The following IGBP1 variants were observed in gnomAD, a reference collection of about 807,000 sequenced individuals.
IGBP1 encodes immunoglobulin binding protein 1.
IGBP1 carries 2 observed loss-of-function variants against 25.9 expected under a neutral mutation model. The observed-to-expected ratio is 0.08, with a 90% CI of 0.03 to 0.24. IGBP1 has a LOEUF of 0.24. IGBP1 is among the 10% of genes least tolerant of loss of function. The pLI is 1.00. For synonymous variants in IGBP1, 96 were observed against 93.4 expected, an observed-to-expected ratio of 1.03 and a Z score of -0.16; for missense variants, 187 against 260.4, an observed-to-expected ratio of 0.72 and a Z score of 1.94.
intron 3 of IGBP1, among the ~76,000 whole-genome samples, chrX:70,143,974 C>T (rs926536559): frequency 3.6e-5 from 4 of 112,081 alleles, no homozygotes; most frequent in Non-Finnish European, 5.6e-5. Context: ...GATCATCTGA[C>T]GTCAGGAGTT....
At position 70,162,727 on chromosome X, in the gene IGBP1, A is replaced by G. The variant is rs190148904; in HGVS notation, c.872-3106A>G. On this transcript the variant is annotated intron_variant, in intron 6 of 6. Transcript: ENST00000356413. Reference sequence around the variant, plus strand: ...GGTGGCTCACGCCTGTAATTCCAGCACTTTGGGAGGCTTAGGTGGGTGGAT... The same window carrying G: ...GGTGGCTCACGCCTGTAATTCCAGCGCTTTGGGAGGCTTAGGTGGGTGGAT... 4.5e-5 allele frequency among the ~76,000 whole-genome samples: 5 copies of G among 112,216 alleles called. No individual in the cohort carries two copies. The East Asian group carries it at 1.4e-3, about 31-fold the overall frequency.
intron 5 of IGBP1, chrX:70,149,524 G>A (rs982242009): frequency 7.1e-5 from 8 of 113,100 alleles, no homozygotes; most frequent in Non-Finnish European, 1.4e-4. Flanking sequence ...CGTATTGGCA[G>A]GCACCTGTAA....
Position 70,148,792 on chromosome X carries a change from G to A in IGBP1, c.710G>A (p.Arg237Lys), listed in dbSNP as rs1186000710. The change falls in exon 5 of 7, where the codon AGG becomes AAG. Residue 237 changes from arginine to lysine, a missense_variant. Arg to Lys is a conservative substitution (Grantham distance 26). Coordinates refer to ENST00000356413, the MANE Select transcript of IGBP1 (RefSeq NM_001551.3). ...ASTSNSSRQERPPVKPFILTR... is the reference protein window; with the variant it reads ...ASTSNSSRQEKPPVKPFILTR... The stretch of plus-strand genomic sequence containing the variant: ...ACTTCTAACTCATCTCGCCAGGAGA[G>A]GCCTCCAGTGAAACCCTTCATTCTC... The A allele has an allele frequency of 1.7e-6, 2 of 1,203,276 alleles. No individual in the cohort carries two copies. Among genetic ancestry groups the A allele is most frequent in the African/African-American group, 3.5e-5 (2 of 57,266 alleles).
chrX:70,138,411 G>A lies in IGBP1; in HGVS notation c.482+3595G>A, dbSNP rs1228635307. 4.0e-5 allele frequency among the ~76,000 whole-genome samples: 4 copies of A among 99,527 alleles called. No individual in the cohort carries two copies. The Admixed American group carries it at 4.7e-4, about 12-fold the overall frequency. 86.4% of individuals were successfully genotyped at this position (99,527 alleles called of 115,157 possible). A position where few individuals can be genotyped will look rare whatever the true frequency, so the allele number is the denominator to read the frequency against. The stretch of plus-strand genomic sequence containing the variant: ...CTGAGCTGAGCTGGGAGGATCACTT[G>A]TTGAGGCTGCAGTGAGCTGTGATCG... On this transcript the variant is annotated intron_variant, in intron 3 of 6. Coordinates refer to ENST00000356413, the MANE Select transcript of IGBP1 (RefSeq NM_001551.3).
chrX:70,141,918 A>AGG (rs777533435), intron 3 of IGBP1, among the ~76,000 whole-genome samples: 12 of 108,397 alleles, frequency 1.1e-4, no homozygotes, highest in Admixed American at 4.0e-4. Flanking sequence ...ATTAAAAAAA[A>AGG]GGGGGGGGGC....
At chrX:70,156,479 A>G (rs2085241511) in intron 6 of IGBP1, among the ~76,000 whole-genome samples, 2 of 111,806 alleles carry the variant, frequency 1.8e-5, no homozygotes, top group African/African-American at 6.5e-5. Flanking sequence ...TCAGACCACA[A>G]TGGAATTAAA....
rs1338842524 is a variant in IGBP1, at chrX:70,134,690, A to G, written c.356A>G (p.Tyr119Cys). 9 of 1,211,453 alleles carry G rather than the reference A, an allele frequency of 7.4e-6. No individual in the cohort carries two copies. The highest frequency in any genetic ancestry group is 8.9e-6 in the Non-Finnish European group (8 of 894,898). ...FINYLTQCHCYHVAEFELPKT... is the reference protein window; with the variant it reads ...FINYLTQCHCCHVAEFELPKT... Reference sequence around the variant, plus strand: ...AACTACTTAACTCAGTGCCATTGCTATCATGTGGCAGAGTTTGAGCTGCCC... The same window carrying G: ...AACTACTTAACTCAGTGCCATTGCTGTCATGTGGCAGAGTTTGAGCTGCCC... The change falls in exon 3 of 7, where the codon TAT (tyrosine) becomes TGT (cysteine). Residue 119 changes from tyrosine to cysteine, a missense_variant. Tyr to Cys is a radical substitution (Grantham distance 194). Transcript: ENST00000356413.
intron 6 of IGBP1, among the ~76,000 whole-genome samples, chrX:70,157,239 A>G (rs181842379): frequency 1.1e-5 from 1 of 93,486 alleles, no homozygotes; most frequent in East Asian, 3.9e-4. Flanking sequence ...GATAAAATCA[A>G]TTACCTAAGG....
intron 6 of IGBP1, among the ~76,000 whole-genome samples, chrX:70,154,204 C>T (rs2085222268): frequency 9.2e-6 from 1 of 108,543 alleles, no homozygotes; most frequent in Non-Finnish European, 1.9e-5. Context: ...GTAGCTGGGA[C>T]TACAGGCGCC....
intron 6 of IGBP1, among the ~76,000 whole-genome samples, chrX:70,155,587 G>C (rs2085235342): frequency 9.1e-6 from 1 of 110,309 alleles, no homozygotes; most frequent in Non-Finnish European, 1.9e-5. Flanking sequence ...AACTTCTTAA[G>C]GCTAATGTGA....
chrX:70,163,752 A>G (rs1266571970), intron 6 of IGBP1: 1 of 111,723 alleles, frequency 9.0e-6, no homozygotes, highest in African/African-American at 3.3e-5. Flanking sequence ...GCCAATCTGC[A>G]GAAAATAAAG....
At chrX:70,155,883 G>C (rs770967105) in intron 6 of IGBP1, among the ~76,000 whole-genome samples, 375 of 112,016 alleles carry the variant, frequency 3.3e-3, no homozygotes, top group African/African-American at 0.012. Context: ...GGGAGACATA[G>C]CAGTCATAAA....
chrX:70,143,395 A>G (rs1295316884), intron 3 of IGBP1, among the ~76,000 whole-genome samples: 1 of 112,386 alleles, frequency 8.9e-6, no homozygotes, highest in Non-Finnish European at 1.9e-5. Context: ...CCATCTGGTG[A>G]GTGTGATGGT....
chrX:70,147,136 T>C (rs899044475), intron 4 of IGBP1, among the ~76,000 whole-genome samples: 9 of 111,598 alleles, frequency 8.1e-5, no homozygotes, highest in African/African-American at 2.9e-4. Flanking sequence ...GTTAAACCTT[T>C]AAAATCTGTG....
chrX:70,154,714 C>CAAAAAAAAAAAAAAAAAAAAAA lies in IGBP1; in HGVS notation c.871+4393_871+4414dup, dbSNP rs762954223. Among the ~76,000 whole-genome samples the CAAAAAAAAAAAAAAAAAAAAAA allele has an allele frequency of 1.6e-3, 44 of 27,104 alleles. 4 individuals are homozygous for CAAAAAAAAAAAAAAAAAAAAAA. The highest frequency in any genetic ancestry group is 5.2e-3 in the African/African-American group (28 of 5,383). 23.5% of individuals were successfully genotyped at this position (27,104 alleles called of 115,157 possible). On this transcript the variant is annotated intron_variant, in intron 6 of 6. Transcript: ENST00000356413. ...AGCAACATGGTAAGACCCCTCTCCA[C>CAAAAAAAAAAAAAAAAAAAAAA]AAAAAAAAAAAAAAAAAAAAAAGTT...
intron 6 of IGBP1, among the ~76,000 whole-genome samples, chrX:70,151,986 A>C (rs2085206199): frequency 8.9e-6 from 1 of 111,898 alleles, no homozygotes; most frequent in Non-Finnish European, 1.9e-5. Flanking sequence ...TGTTTCTACT[A>C]TAGCACCAAA....
chrX:70,139,856 G>T (rs1231074853), intron 3 of IGBP1, among the ~76,000 whole-genome samples: 4 of 111,770 alleles, frequency 3.6e-5, no homozygotes, highest in Non-Finnish European at 7.5e-5. Flanking sequence ...TCTGCTGCCT[G>T]CCTCTTTTCA....
intron 6 of IGBP1, among the ~76,000 whole-genome samples, chrX:70,153,718 A>G (rs2085217542): frequency 1.8e-5 from 2 of 111,970 alleles, no homozygotes; most frequent in Admixed American, 1.9e-4. Context: ...AGAAACATTC[A>G]TGAGGTTGCA....
At chrX:70,150,499 G>A (rs2085196195) in intron 6 of IGBP1, among the ~76,000 whole-genome samples, 177 bp downstream of exon 6, 1 of 111,574 alleles carries the variant, frequency 9.0e-6, no homozygotes, top group Non-Finnish European at 1.9e-5. Context: ...GGTTATGGGA[G>A]GATGGGGTCA....
Sources: gnomAD v4.1 joint callset for allele counts (sites outside exome capture counted in the v4.1 genomes callset) on GRCh38, gnomAD v4.1.1 for gene constraint, MANE v1.5 for transcripts, NCBI Gene and HGNC (gene_info 2026-07-23, HGNC 2026-07-21) for gene names.